The following CNTN4 variants were observed in gnomAD, a reference collection of about 807,000 sequenced individuals.
The protein encoded by CNTN4 is contactin-4.
In CNTN4, 77 loss-of-function variants were observed where a neutral mutation model predicts 122.5. The observed-to-expected ratio is 0.63, with a 90% CI of 0.52 to 0.76. The LOEUF is 0.76. Among genes scored for constraint, CNTN4 ranks in the 30% least tolerant of loss-of-function variants. The probability of loss-of-function intolerance (pLI) is 0.00; values close to 1 mark genes in which losing one functional copy is unlikely to be tolerated. For synonymous variants in CNTN4, 512 were observed against 447.0 expected (o/e 1.15, Z -1.83); for missense variants, 1,256 against 1,259.1 (o/e 1.00, Z 0.04).
intron 6 of CNTN4, among the ~76,000 whole-genome samples, chr3:2,797,586 G>A (rs941538406): frequency 5.9e-5 from 9 of 152,078 alleles, no homozygotes; most frequent in Non-Finnish European, 1.2e-4. Flanking sequence ...CAACAAGAGC[G>A]AAACTCCGCC....
At chr3:3,043,897 A>G (rs1321727903) in intron 23 of CNTN4, among the ~76,000 whole-genome samples, 193 bp downstream of exon 23, 3 of 152,180 alleles carry the variant, frequency 2.0e-5, no homozygotes, top group Admixed American at 6.5e-5. Context: ...GATTTAGACA[A>G]TCACCTTAAC....
At chr3:2,770,152 C>T (rs567270497) in intron 6 of CNTN4, among the ~76,000 whole-genome samples, 145 of 152,198 alleles carry the variant, frequency 9.5e-4, no homozygotes, top group Non-Finnish European at 1.7e-3. Context: ...GCCTCAGCCT[C>T]CCGAGTAGCT....
intron 7 of CNTN4, among the ~76,000 whole-genome samples, chr3:2,849,504 T>G (rs1030302735): frequency 6.6e-6 from 1 of 152,176 alleles, no homozygotes; most frequent in African/African-American, 2.4e-5. Flanking sequence ...ACTTCTGGAT[T>G]TTTGCTTTCC....
chr3:2,694,357 A>G (rs2149212801), intron 4 of CNTN4, among the ~76,000 whole-genome samples: 1 of 152,324 alleles, frequency 6.6e-6, no homozygotes, highest in Admixed American at 6.5e-5. Context: ...ATCTTATGTC[A>G]GTGTGTACTT....
At chr3:2,274,972 A>G (rs574335442) in intron 2 of CNTN4, among the ~76,000 whole-genome samples, 7 of 152,328 alleles carry the variant, frequency 4.6e-5, no homozygotes, top group Non-Finnish European at 1.0e-4. Context: ...GAGTGAGAAT[A>G]AATTACTGCA....
At chr3:2,466,970 C>CTTTCTTTTTTTTTTTTTTTTT (rs1392656721) in intron 3 of CNTN4, among the ~76,000 whole-genome samples, 8 of 115,810 alleles carry the variant, frequency 6.9e-5, no homozygotes, top group African/African-American at 2.4e-4. Context: ...TTCTTTCTTT[C>CTTTCTTTTTTTTTTTTTTTTT]TTTTTTTTTT....
At chr3:2,206,423 C>G (rs1668707764) in intron 2 of CNTN4, among the ~76,000 whole-genome samples, 1 of 151,978 alleles carries the variant, frequency 6.6e-6, no homozygotes, top group African/African-American at 2.4e-5. Flanking sequence ...AACCTAAAAT[C>G]AATATACATT....
intron 2 of CNTN4, among the ~76,000 whole-genome samples, chr3:2,301,679 CAG>C (rs1559431928): frequency 6.6e-6 from 1 of 152,194 alleles, no homozygotes; most frequent in African/African-American, 2.4e-5. Context: ...GGGAATAATA[CAG>C]AGTCATTTGA....
At chr3:2,522,451 C>A (rs1047442361) in intron 3 of CNTN4, among the ~76,000 whole-genome samples, 6 of 152,042 alleles carry the variant, frequency 3.9e-5, no homozygotes, top group African/African-American at 1.4e-4. Context: ...ATAGCTCTCA[C>A]ATGAGAAATC....
intron 2 of CNTN4, among the ~76,000 whole-genome samples, chr3:2,307,239 T>C (rs2042742773): frequency 6.6e-6 from 1 of 152,102 alleles, no homozygotes; most frequent in Admixed American, 6.5e-5. Flanking sequence ...ATGAAGACCA[T>C]CCTGGCTAAC....
chr3:2,377,547 C>G (rs557701027), intron 3 of CNTN4, among the ~76,000 whole-genome samples: 193 of 152,286 alleles, frequency 1.3e-3, no homozygotes, highest in Non-Finnish European at 2.3e-3. Flanking sequence ...CAGTATCACA[C>G]TAATTTAAGA....
intron 2 of CNTN4, among the ~76,000 whole-genome samples, chr3:2,243,039 C>T (rs753279040): frequency 5.9e-5 from 9 of 152,106 alleles, no homozygotes; most frequent in Non-Finnish European, 1.0e-4. Context: ...AAGCTGAGCA[C>T]GGTCTAAGTT....
intron 4 of CNTN4, among the ~76,000 whole-genome samples, chr3:2,612,074 A>T (rs1171975452): frequency 3.3e-5 from 5 of 150,984 alleles, no homozygotes; most frequent in South Asian, 2.1e-4. Flanking sequence ...CTATTATTCA[A>T]CTTAATATAA....
chr3:2,663,101 CAG>C (rs2083980785), intron 4 of CNTN4, among the ~76,000 whole-genome samples: 1 of 118,870 alleles, frequency 8.4e-6, no homozygotes, highest in Non-Finnish European at 1.7e-5. Context: ...GACTCTGTCT[CAG>C]AAGAAAAAAA....
intron 3 of CNTN4, among the ~76,000 whole-genome samples, chr3:2,527,253 C>G (rs1163710464): frequency 6.6e-6 from 1 of 152,178 alleles, no homozygotes; most frequent in Non-Finnish European, 1.5e-5. Flanking sequence ...ACCTCAGAGC[C>G]TTGGCCCTGT....
At chr3:2,122,022 G>GAT (rs1268842943) in intron 2 of CNTN4, among the ~76,000 whole-genome samples, 7 of 135,250 alleles carry the variant, frequency 5.2e-5, no homozygotes, top group East Asian at 2.3e-4. Flanking sequence ...CGGGCGTGGT[G>GAT]GCGGCGCCTG....
intron 4 of CNTN4, among the ~76,000 whole-genome samples, chr3:2,720,195 C>A (rs902384127): frequency 1.3e-5 from 2 of 152,114 alleles, no homozygotes; most frequent in Admixed American, 1.3e-4. Context: ...CAGATATTTC[C>A]TATTTTTTGC....
intron 4 of CNTN4, among the ~76,000 whole-genome samples, chr3:2,733,285 C>T (rs1354175832): frequency 6.6e-6 from 1 of 152,168 alleles, no homozygotes; most frequent in Non-Finnish European, 1.5e-5. Flanking sequence ...ATATTTCTCT[C>T]TTAGAGAAAA....
intron 4 of CNTN4, among the ~76,000 whole-genome samples, chr3:2,597,678 A>G (rs2080834907): frequency 6.6e-6 from 1 of 152,142 alleles, no homozygotes; most frequent in Non-Finnish European, 1.5e-5. Context: ...AGAGGAGTAC[A>G]GACTTCAACT....
Sources: gnomAD v4.1 joint callset for allele counts (sites outside exome capture counted in the v4.1 genomes callset) on GRCh38, gnomAD v4.1.1 for gene constraint, MANE v1.5 for transcripts, NCBI Gene and HGNC (gene_info 2026-07-23, HGNC 2026-07-21) for gene names.